The following LRP1B variants were observed in gnomAD, a reference collection of about 807,000 sequenced individuals.
LRP1B encodes low-density lipoprotein receptor-related protein 1B.
Under a neutral mutation model 556.6 loss-of-function variants are expected in LRP1B, and 217 were observed. The observed-to-expected ratio is 0.39, with a 90% CI of 0.35 to 0.44. The LOEUF is 0.44. LRP1B is among the 20% of genes least tolerant of loss of function. LRP1B has a pLI of 1.00. For missense variants in LRP1B, 5,053 were observed against 5,620.8 expected (o/e 0.90, Z 3.23); for synonymous variants, 2,047 against 1,865.8 (o/e 1.10, Z -2.50).
At chr2:140,720,308 T>A (rs1011361848) in intron 35 of LRP1B, among the ~76,000 whole-genome samples, 2 of 151,994 alleles carry the variant, frequency 1.3e-5, no homozygotes, top group African/African-American at 4.8e-5. Context: ...TGGTAATGTA[T>A]AATATAATTA....
intron 1 of LRP1B, among the ~76,000 whole-genome samples, chr2:141,851,907 TC>T (rs1697871564): frequency 6.6e-6 from 1 of 151,760 alleles, no homozygotes; most frequent in African/African-American, 2.4e-5. Flanking sequence ...AGAATTGCTT[TC>T]TTGAGTAGAG....
Position 140,378,255 on chromosome 2 carries a change from G to C in LRP1B, c.10563C>G (p.Leu3521=), listed in dbSNP as rs1683321572. 6.2e-7 allele frequency: 1 copy of C among 1,613,180 alleles called. No individual in the cohort carries two copies. The highest frequency in any genetic ancestry group is 8.5e-7 in the Non-Finnish European group (1 of 1,179,306). Residue 3521 remains leucine, a synonymous_variant, in exon 68 of 91, where the codon CTC becomes CTG. Coordinates refer to ENST00000389484, the MANE Select transcript of LRP1B (RefSeq NM_018557.3). The part of the protein sequence containing the change: ...KPQTCTLKDF[L]CANGDCVSSR... ...AAGAAACACAGTCCCCATTGGCACA[G>C]AGGAAATCTTTCAATGTACATGTCT...
At chr2:140,760,390 T>C (rs1688873672) in intron 35 of LRP1B, among the ~76,000 whole-genome samples, 1 of 152,146 alleles carries the variant, frequency 6.6e-6, no homozygotes, top group Non-Finnish European at 1.5e-5. Flanking sequence ...ACTAACAATG[T>C]TTCCAGATAT....
chr2:141,617,059 AGT>A (rs1688328965), intron 2 of LRP1B, among the ~76,000 whole-genome samples: 2 of 152,216 alleles, frequency 1.3e-5, no homozygotes, highest in African/African-American at 2.4e-5. Flanking sequence ...AGTATTATTC[AGT>A]CCCTCTTTTT....
intron 78 of LRP1B, among the ~76,000 whole-genome samples, chr2:140,335,058 C>T (rs1681004561): frequency 6.6e-6 from 1 of 151,786 alleles, no homozygotes; most frequent in South Asian, 2.1e-4. Context: ...GTTATCAATC[C>T]ACTTATAGAT....
intron 3 of LRP1B, among the ~76,000 whole-genome samples, chr2:141,335,184 G>A (rs1262944754): frequency 2.0e-5 from 3 of 152,230 alleles, no homozygotes; most frequent in Admixed American, 6.5e-5. Flanking sequence ...ACAATATGAT[G>A]GGGAAAAGAC....
At chr2:142,070,327 G>A (rs987014771) in intron 1 of LRP1B, among the ~76,000 whole-genome samples, 3 of 151,756 alleles carry the variant, frequency 2.0e-5, no homozygotes, top group Non-Finnish European at 2.9e-5. Flanking sequence ...AACCCACAAA[G>A]AGGCAGTTTA....
intron 3 of LRP1B, among the ~76,000 whole-genome samples, chr2:141,388,961 C>T (rs192154015): frequency 1.3e-5 from 2 of 152,166 alleles, no homozygotes; most frequent in East Asian, 1.9e-4. Context: ...GACTTGTGTA[C>T]TGAAAATTAC....
chr2:140,497,069 C>A (rs1169340280), intron 55 of LRP1B, among the ~76,000 whole-genome samples: 3 of 151,712 alleles, frequency 2.0e-5, no homozygotes, highest in Non-Finnish European at 4.4e-5. Context: ...ATTTTCAATA[C>A]TGGGGAGGAA....
intron 84 of LRP1B, among the ~76,000 whole-genome samples, chr2:140,279,039 G>A (rs116024387): frequency 5.7e-4 from 87 of 151,974 alleles, no homozygotes; most frequent in African/African-American, 2.0e-3. Flanking sequence ...CCTATTCTTC[G>A]ACGTTTATGT....
In LRP1B at chr2:140,485,403, G is replaced by A. The variant is rs202060010; in HGVS notation, c.9365C>T (p.Thr3122Ile). ...EVSKLNGLYP[T>I]ILVSKRLKFP... ...CTTCAGCCTTTTGCTAACGAGTATA[G>A]TAGGGTACAAGCCATTGAGTTTGGA... is the stretch of plus-strand genomic sequence containing the variant. Residue 3122 changes from threonine to isoleucine, a missense_variant, in exon 59 of 91, where the codon ACT becomes ATT. By Grantham distance (89) the Thr-to-Ile change is moderately conservative. Around this residue, in one of 5 missense-constraint regions of LRP1B, gnomAD observed 3,619 missense variants for 3,931.9 expected, o/e 0.92. Coordinates refer to ENST00000389484, the MANE Select transcript of LRP1B (RefSeq NM_018557.3). 1.1e-4 allele frequency: 174 copies of A among 1,613,776 alleles called. 1 individual carries two copies. The highest frequency in any genetic ancestry group is 1.9e-5 in the Non-Finnish European group (23 of 1,179,866).
chr2:140,314,571 T>A (rs1343254675), intron 83 of LRP1B, among the ~76,000 whole-genome samples: 1 of 152,074 alleles, frequency 6.6e-6, no homozygotes, highest in African/African-American at 2.4e-5. Context: ...TCAATAACAA[T>A]TGATTTTTAG....
intron 1 of LRP1B, among the ~76,000 whole-genome samples, chr2:142,120,838 T>C (rs1707432335): frequency 6.6e-6 from 1 of 152,062 alleles, no homozygotes; most frequent in Non-Finnish European, 1.5e-5. Flanking sequence ...TGTTAGGAAA[T>C]ATGGTATTAA....
chr2:141,174,529 A>G (rs964282294), intron 7 of LRP1B, among the ~76,000 whole-genome samples: 4 of 152,066 alleles, frequency 2.6e-5, no homozygotes, highest in African/African-American at 7.2e-5. Context: ...TCTTGCCACC[A>G]TGTGAAGAAG....
At chr2:141,537,640 G>A (rs1423518895) in intron 2 of LRP1B, among the ~76,000 whole-genome samples, 1 of 152,048 alleles carries the variant, frequency 6.6e-6, no homozygotes, top group African/African-American at 2.4e-5. Flanking sequence ...GCCATTCTGT[G>A]TATTTCACCG....
At chr2:140,430,831 A>G (rs1048245595) in intron 66 of LRP1B, among the ~76,000 whole-genome samples, 7 of 152,200 alleles carry the variant, frequency 4.6e-5, no homozygotes, top group African/African-American at 1.7e-4. Flanking sequence ...TCCATCTGCT[A>G]TTCTACTACC....
intron 1 of LRP1B, among the ~76,000 whole-genome samples, chr2:142,045,790 C>T (rs911260303): frequency 6.6e-6 from 1 of 151,740 alleles, no homozygotes; most frequent in Non-Finnish European, 1.5e-5. Context: ...AGTAACTTGC[C>T]CAGTGCCACA....
intron 51 of LRP1B, among the ~76,000 whole-genome samples, chr2:140,513,578 TA>T (rs1352489940): frequency 2.0e-5 from 3 of 151,976 alleles, no homozygotes; most frequent in East Asian, 1.9e-4. Context: ...GCTGTGTAAA[TA>T]AAAAGTAGAT....
At chr2:141,709,885 G>A (rs537875832) in intron 2 of LRP1B, among the ~76,000 whole-genome samples, 18 of 152,128 alleles carry the variant, frequency 1.2e-4, no homozygotes, top group South Asian at 2.1e-4. Flanking sequence ...GGCTGGAAGT[G>A]CAAGATCAAG....
Sources: gnomAD v4.1 joint callset for allele counts (sites outside exome capture counted in the v4.1 genomes callset) on GRCh38, gnomAD v4.1.1 for gene constraint, gnomAD v4.1.1 regional missense constraint, MANE v1.5 for transcripts, NCBI Gene and HGNC (gene_info 2026-07-23, HGNC 2026-07-21) for gene names.